SGIP1: variants seen among roughly 807,000 people sequenced by gnomAD.
SGIP1 encodes the protein SH3GL interacting endocytic adaptor 1, also known as SH3-containing GRB2-like protein 3-interacting protein 1.
Under a neutral mutation model 107.5 loss-of-function variants are expected in SGIP1, and 38 were observed. That is an observed-to-expected ratio of 0.35 (90% CI 0.27 to 0.46). The LOEUF (loss-of-function observed/expected upper bound fraction) is 0.46, where lower values mean the gene tolerates loss of function less well. Among genes scored for constraint, SGIP1 ranks in the 20% least tolerant of loss-of-function variants. The pLI, the probability that SGIP1 is intolerant of heterozygous loss-of-function variation, is 1.00. For synonymous variants in SGIP1, 365 were observed against 366.1 expected (o/e 1.00, Z 0.03); for missense variants, 929 against 1,019.5 (o/e 0.91, Z 1.21).
chr1:66,631,092 A>G (rs2074543568), intron 2 of SGIP1, among the ~76,000 whole-genome samples: 1 of 141,748 alleles, frequency 7.1e-6, no homozygotes. Flanking sequence ...AGAAAGAAAG[A>G]AAGAAAGAAA....
At chr1:66,646,015 A>G (rs934361126) in intron 7 of SGIP1, among the ~76,000 whole-genome samples, 1 of 151,880 alleles carries the variant, frequency 6.6e-6, no homozygotes, top group Non-Finnish European at 1.5e-5. Flanking sequence ...TACTTTTGGT[A>G]TTTTCAGTAG....
At chr1:66,726,416 A>G (rs1010483714) in intron 19 of SGIP1, among the ~76,000 whole-genome samples, 6 of 152,222 alleles carry the variant, frequency 3.9e-5, no homozygotes, top group East Asian at 3.8e-4. Flanking sequence ...CAAAGGGCCT[A>G]CCATAGCGAA....
intron 14 of SGIP1, 43 bp from the exon 15 acceptor site, chr1:66,681,826 T>C (rs2086776832): frequency 1.9e-6 from 3 of 1,562,930 alleles, no homozygotes; most frequent in African/African-American, 1.4e-5. Context: ...CCCACACAAA[T>C]AATAAGTCAA....
At chr1:66,700,051 T>G (rs2091639849) in intron 18 of SGIP1, among the ~76,000 whole-genome samples, 1 of 151,382 alleles carries the variant, frequency 6.6e-6, no homozygotes. Flanking sequence ...ATAATGTAAG[T>G]AACTTTCACA....
chr1:66,699,602 C>G (rs1014714262), intron 18 of SGIP1, among the ~76,000 whole-genome samples: 2 of 152,172 alleles, frequency 1.3e-5, no homozygotes, highest in African/African-American at 4.8e-5. Context: ...GCTGTTTCAT[C>G]ATTAAGAATT....
rs1558132190 is a variant in SGIP1 at position 66,630,801 on chromosome 1, C to CA, written c.75-2269_75-2268insA. On this transcript the variant is annotated intron_variant, in intron 2 of 24. Coordinates refer to ENST00000371037, the MANE Select transcript of SGIP1 (RefSeq NM_032291.4). ...AGCCTGGGTGACAAGAGCAAAACTC[C>CA]GGAAAGAAAGAAAGAAAGAAAGAAA... Among the ~76,000 whole-genome samples, 52 of 58,034 alleles carry CA rather than the reference C, an allele frequency of 9.0e-4. 7 individuals are homozygous for CA. Among genetic ancestry groups the CA allele is most frequent in the East Asian group, 5.7e-3 (7 of 1,222 alleles). The allele number at this position is 58,034 out of a possible 152,430, so 38.1% of individuals were successfully genotyped here.
intron 1 of SGIP1, among the ~76,000 whole-genome samples, chr1:66,586,501 C>T (rs1240441117): frequency 6.6e-6 from 1 of 152,058 alleles, no homozygotes; most frequent in African/African-American, 2.4e-5. Context: ...CTAGTGGCTG[C>T]TCTAGATATT....
At position 66,657,774 on chromosome 1, in the gene SGIP1, T is replaced by C. The variant is rs574241666; in HGVS notation, c.460-2739T>C. Reference sequence around the variant, plus strand: ...AATGGTTATATTTTAGGTAAATTTATGCTTTACTCCAAAAATTCACTTACT... The same window carrying C: ...AATGGTTATATTTTAGGTAAATTTACGCTTTACTCCAAAAATTCACTTACT... On this transcript the variant is annotated intron_variant, in intron 7 of 24. Transcript: ENST00000371037. Among the ~76,000 whole-genome samples the C allele has an allele frequency of 3.9e-5, 6 of 152,214 alleles. No individual in the cohort carries two copies. The South Asian group carries it at 1.2e-3, about 32-fold the overall frequency.
chr1:66,617,837 C>T lies in SGIP1; in HGVS notation c.11-8010C>T, dbSNP rs187602325. Reference sequence around the variant, plus strand: ...GCCTAAAAATATCTCTCCATTTTTTCAAAAAAATCGCATTCTTGTTTTTTG... The same window carrying T: ...GCCTAAAAATATCTCTCCATTTTTTTAAAAAAATCGCATTCTTGTTTTTTG... On this transcript the variant is annotated intron_variant, in intron 1 of 24. Transcript: ENST00000371037. Among the ~76,000 whole-genome samples, 8 of 151,712 alleles carry T rather than the reference C, an allele frequency of 5.3e-5. No individual in the cohort carries two copies. The East Asian group carries it at 1.5e-3, about 29-fold the overall frequency.
At position 66,682,263 on chromosome 1, in the gene SGIP1, T is replaced by G. The variant is rs1194310428; in HGVS notation, c.1209T>G (p.Phe403Leu). 5 of 1,614,218 alleles carry G rather than the reference T, an allele frequency of 3.1e-6. No homozygotes were observed. The South Asian group carries it at 3.3e-5, about 11-fold the overall frequency. Residue 403 changes from phenylalanine to leucine, a missense_variant, in exon 15 of 25, where the codon TTT becomes TTG. Around this residue, in one of 2 missense-constraint regions of SGIP1, gnomAD observed 588 missense variants for 588.6 expected, o/e 1.00. Transcript: ENST00000371037. ...YLETISSPKD[F>L]GLGQRATPPP... ...AAACAATCTCATCTCCTAAAGATTT[T>G]GGGTTGGGACAAAGAGCAACTCCAC...
At chr1:66,541,724 A>G (rs1223449483) in intron 1 of SGIP1, among the ~76,000 whole-genome samples, 1 of 152,200 alleles carries the variant, frequency 6.6e-6, no homozygotes, top group Non-Finnish European at 1.5e-5. Flanking sequence ...TCTCTTTAAC[A>G]AACAATTTAA....
intron 9 of SGIP1, among the ~76,000 whole-genome samples, chr1:66,668,406 G>A (rs1022557483): frequency 6.6e-6 from 1 of 152,104 alleles, no homozygotes; most frequent in Non-Finnish European, 1.5e-5. Context: ...AGCCAGGATG[G>A]TCTTAATCTC....
At position 66,743,280 on chromosome 1, in the gene SGIP1, T is replaced by C. The variant is rs981506694; in HGVS notation, c.*185T>C. 1.9e-6 allele frequency: 1 copy of C among 537,752 alleles called. No individual in the cohort carries two copies. The highest frequency in any genetic ancestry group is 3.3e-6 in the Non-Finnish European group (1 of 302,750). 33.3% of individuals were successfully genotyped at this position (537,752 alleles called of 1,614,324 possible). On this transcript the variant is annotated 3_prime_UTR_variant, in exon 25 of 25. Coordinates refer to ENST00000371037, the MANE Select transcript of SGIP1 (RefSeq NM_032291.4). ...ACCATGATGACCAGTCCTACAGTAT[T>C]TACTTCTAGGTGTAATATTGTTAAT...
At chr1:66,728,605 T>A (rs985660678) in intron 19 of SGIP1, among the ~76,000 whole-genome samples, 10 of 152,194 alleles carry the variant, frequency 6.6e-5, no homozygotes, top group Admixed American at 6.5e-4. Flanking sequence ...TTACCGGTTA[T>A]ATTCCCAAAG....
chr1:66,556,680 T>C (rs1304000126), intron 1 of SGIP1, among the ~76,000 whole-genome samples: 1 of 146,952 alleles, frequency 6.8e-6, no homozygotes, highest in Non-Finnish European at 1.5e-5. Context: ...TTGTGCAAGG[T>C]GCCCTACTTC....
chr1:66,542,245 G>A (rs898305372), intron 1 of SGIP1, among the ~76,000 whole-genome samples: 1 of 151,968 alleles, frequency 6.6e-6, no homozygotes, highest in Non-Finnish European at 1.5e-5. Context: ...CTATGGTAAA[G>A]TTAATTTGTA....
intron 17 of SGIP1, 115 bp downstream of exon 17, chr1:66,690,431 G>C: frequency 1.4e-6 from 2 of 1,438,394 alleles, no homozygotes; most frequent in Non-Finnish European, 1.9e-6. Context: ...TGTGTGTTTT[G>C]CTACTATTAC....
chr1:66,654,792 G>C (rs1249637066), intron 7 of SGIP1, among the ~76,000 whole-genome samples: 2 of 152,172 alleles, frequency 1.3e-5, no homozygotes, highest in African/African-American at 4.8e-5. Context: ...CATGGACCTT[G>C]GAGCTGTAGC....
intron 11 of SGIP1, 143 bp from the exon 12 acceptor site, chr1:66,673,138 G>A (rs916946433): frequency 1.7e-5 from 13 of 745,828 alleles, no homozygotes; most frequent in African/African-American, 3.6e-5. Context: ...TAGCCCTAAC[G>A]GGGCTTGTAT....
Sources: gnomAD v4.1 joint callset for allele counts (sites outside exome capture counted in the v4.1 genomes callset) on GRCh38, gnomAD v4.1.1 for gene constraint, gnomAD v4.1.1 regional missense constraint, MANE v1.5 for transcripts, NCBI Gene and HGNC (gene_info 2026-07-23, HGNC 2026-07-21) for gene names.